The following STK32B variants were observed in gnomAD, a reference collection of about 807,000 sequenced individuals.
The protein encoded by STK32B is serine/threonine-protein kinase 32B.
A neutral mutation model predicts 52.6 loss-of-function variants in STK32B; 43 were observed. That is an observed-to-expected ratio of 0.82 (90% confidence interval 0.64 to 1.05). The LOEUF (loss-of-function observed/expected upper bound fraction) is 1.05. STK32B is among the 50% of genes least tolerant of loss of function. STK32B has a pLI of 0.00. For missense variants in STK32B, 621 were observed against 534.6 expected, an observed-to-expected ratio of 1.16 and a Z score of -1.59; for synonymous variants, 238 against 204.3, an observed-to-expected ratio of 1.17 and a Z score of -1.41.
At chr4:5,052,341 C>A (rs76409081) in intron 1 of STK32B, among the ~76,000 whole-genome samples, 20,449 of 152,004 alleles carry the variant, frequency 0.13, 1,841 homozygotes, top group Non-Finnish European at 0.2. Flanking sequence ...TGTGTGTGCG[C>A]GTGCCCACGA....
chr4:5,243,429 G>A (rs1441505513), intron 3 of STK32B, among the ~76,000 whole-genome samples: 1 of 152,198 alleles, frequency 6.6e-6, no homozygotes, highest in African/African-American at 2.4e-5. Flanking sequence ...CGTTGATTCT[G>A]TATCCTCAGA....
At chr4:5,255,597 G>T (rs1726242119) in intron 3 of STK32B, among the ~76,000 whole-genome samples, 1 of 151,944 alleles carries the variant, frequency 6.6e-6, no homozygotes. Flanking sequence ...CCACCAAGAG[G>T]CTACTACTGC....
At chr4:5,280,616 C>T (rs1033932811) in intron 3 of STK32B, among the ~76,000 whole-genome samples, 19 of 152,114 alleles carry the variant, frequency 1.2e-4, no homozygotes, top group African/African-American at 4.1e-4. Context: ...CATACCTGGC[C>T]GAGCGCAGTG....
At chr4:5,375,271 A>C (rs368683235) in intron 4 of STK32B, among the ~76,000 whole-genome samples, 1 of 151,782 alleles carries the variant, frequency 6.6e-6, no homozygotes, top group Admixed American at 6.6e-5. Context: ...CCCTTCTGCT[A>C]TTCCCCACCA....
intron 2 of STK32B, chr4:5,140,431 T>C (rs1417935766): frequency 3.3e-6 from 2 of 597,888 alleles, no homozygotes; most frequent in Non-Finnish European, 4.6e-6. Flanking sequence ...TGTTCCCACA[T>C]ACTCAGAAAT....
At chr4:5,170,450 C>T (rs146980946) in intron 3 of STK32B, among the ~76,000 whole-genome samples, 9,966 of 152,044 alleles carry the variant, frequency 0.066, 408 homozygotes, top group South Asian at 0.12. Context: ...CTAATGCTAT[C>T]GCTCCCCCGT....
At chr4:5,371,181 TGGGATTACAGCC>T (rs1735216960) in intron 4 of STK32B, among the ~76,000 whole-genome samples, 1 of 152,048 alleles carries the variant, frequency 6.6e-6, no homozygotes, top group African/African-American at 2.4e-5. Context: ...CAAAGACAGC[TGGGATTACAGCC>T]AATGAGCAGA....
chr4:5,051,475 C>T (rs1033222347), upstream of STK32B: 4 of 258,006 alleles, frequency 1.6e-5, no homozygotes, highest in South Asian at 8.2e-5. Flanking sequence ...CCTCCTCCCC[C>T]GCTCCTTCCC....
chr4:5,204,458 T>TTTTTTGTTTTGTTTTG (rs143967616), intron 3 of STK32B, among the ~76,000 whole-genome samples: 32 of 146,756 alleles, frequency 2.2e-4, no homozygotes, highest in Non-Finnish European at 4.0e-4. Flanking sequence ...TTTTTAGGTT[T>TTTTTTGTTTTGTTTTG]TTTTGTTTTG....
chr4:5,131,749 T>G (rs993239084), intron 1 of STK32B, among the ~76,000 whole-genome samples: 3 of 152,244 alleles, frequency 2.0e-5, no homozygotes, highest in African/African-American at 7.2e-5. Flanking sequence ...TTTATGGATC[T>G]GCTCTATTAT....
At chr4:5,044,139 T>C in the STK32B span, among the ~76,000 whole-genome samples, 1 of 152,148 alleles carries the variant, frequency 6.6e-6, no homozygotes, top group Non-Finnish European at 1.5e-5. Flanking sequence ...TCTCTCTCAA[T>C]CCCTGCCTCT....
chr4:5,098,928 A>G (rs898276565), intron 1 of STK32B, among the ~76,000 whole-genome samples: 114 of 152,326 alleles, frequency 7.5e-4, no homozygotes, highest in Middle Eastern at 3.4e-3. Flanking sequence ...TTAGTATCCT[A>G]TTGCTGCCAT....
In STK32B at chr4:5,399,509, C is replaced by A. The variant is rs1737152623; in HGVS notation, c.472+1265C>A. Reference sequence around the variant, plus strand: ...TTTGGGGGCAGTAGGATTGAACTCACTGTGCTCCTGAATGGAAGGTCAGCA... The same window carrying A: ...TTTGGGGGCAGTAGGATTGAACTCAATGTGCTCCTGAATGGAAGGTCAGCA... On this transcript the variant is annotated intron_variant, in intron 5 of 11. Transcript: ENST00000282908. The surrounding 1 kb of genome is among the most constrained non-coding windows in gnomAD (Gnocchi z 5.4). Among the ~76,000 whole-genome samples the A allele has an allele frequency of 1.3e-5, 2 of 152,178 alleles. No individual in the cohort carries two copies. The highest frequency in any genetic ancestry group is 1.3e-4 in the Admixed American group (2 of 15,280).
At chr4:5,439,601 A>C (rs7434643) in intron 6 of STK32B, among the ~76,000 whole-genome samples, 14,093 of 151,338 alleles carry the variant, frequency 0.093, 975 homozygotes, top group East Asian at 0.39. Flanking sequence ...GAAGCTCTTT[A>C]GTTTAATTAG....
At chr4:5,291,670 G>C (rs1166982609) in intron 3 of STK32B, among the ~76,000 whole-genome samples, 1 of 152,018 alleles carries the variant, frequency 6.6e-6, no homozygotes, top group Non-Finnish European at 1.5e-5. Context: ...CCTGACTATA[G>C]CTTCCAATAC....
intron 1 of STK32B, among the ~76,000 whole-genome samples, chr4:5,129,362 C>G (rs1369627001): frequency 6.6e-6 from 1 of 152,224 alleles, no homozygotes; most frequent in Non-Finnish European, 1.5e-5. Flanking sequence ...CCACCTTCCT[C>G]AAGCTCTGGT....
At chr4:5,142,407 G>T (rs959092449) in intron 2 of STK32B, among the ~76,000 whole-genome samples, 3 of 152,198 alleles carry the variant, frequency 2.0e-5, no homozygotes, top group Admixed American at 1.3e-4. Context: ...ATTGAGTTGT[G>T]CCAAGTTCTG....
At position 5,491,715 on chromosome 4, in the gene STK32B, T is replaced by C. The variant is rs541409503; in HGVS notation, c.1107-7230T>C. ...TCTAGGGTTTTTATGGTTTTAGGTC[T>C]AACATTTAAGTCTTTAATCCACCTT... On this transcript the variant is annotated intron_variant, in intron 11 of 11. Transcript: ENST00000282908. 1.1e-4 allele frequency among the ~76,000 whole-genome samples: 17 copies of C among 152,238 alleles called. No individual in the cohort carries two copies. The East Asian group carries it at 3.3e-3, about 29-fold the overall frequency.
At chr4:5,234,831 C>T (rs996867140) in intron 3 of STK32B, among the ~76,000 whole-genome samples, 1 of 152,248 alleles carries the variant, frequency 6.6e-6, no homozygotes, top group Admixed American at 6.5e-5. Flanking sequence ...TTGGGTCTCC[C>T]AGTTGGGATA....
Sources: gnomAD v4.1 joint callset for allele counts (sites outside exome capture counted in the v4.1 genomes callset) on GRCh38, gnomAD v4.1.1 for gene constraint, Gnocchi (gnomAD v3.1) non-coding constraint, MANE v1.5 for transcripts, NCBI Gene and HGNC (gene_info 2026-07-23, HGNC 2026-07-21) for gene names.